CD2AP: variants seen among roughly 807,000 people sequenced by gnomAD.
The protein encoded by CD2AP is CD2 associated protein.
A neutral mutation model predicts 85.1 loss-of-function variants in CD2AP; 46 were observed. The observed-to-expected ratio is 0.54, with a 90% confidence interval of 0.43 to 0.69. The LOEUF (loss-of-function observed/expected upper bound fraction) is 0.69. Ranked by LOEUF, CD2AP falls within the 30% of genes least tolerant of loss-of-function variation. The pLI is 0.00. For synonymous variants in CD2AP, 255 were observed against 252.9 expected (o/e 1.01, Z -0.08); for missense variants, 769 against 729.5 (o/e 1.05, Z -0.62).
intron 17 of CD2AP, among the ~76,000 whole-genome samples, chr6:47,619,750 A>C (rs1203251637): frequency 6.6e-6 from 1 of 152,036 alleles, no homozygotes; most frequent in Non-Finnish European, 1.5e-5. Flanking sequence ...TGATTTTTTG[A>C]TTATGGCCAT....
chr6:47,558,869 T>C (rs756389359), intron 5 of CD2AP, among the ~76,000 whole-genome samples: 4 of 152,118 alleles, frequency 2.6e-5, no homozygotes, highest in Admixed American at 1.3e-4. Context: ...CTTTTTTTGT[T>C]GTTGTTTGGA....
chr6:47,592,811 C>A (rs1420934056), intron 11 of CD2AP, among the ~76,000 whole-genome samples: 1 of 152,094 alleles, frequency 6.6e-6, no homozygotes, highest in Non-Finnish European at 1.5e-5. Flanking sequence ...GCATACCTTG[C>A]CTTTTGCATG....
chr6:47,484,994 G>A (rs539190361), intron 1 of CD2AP, among the ~76,000 whole-genome samples: 19 of 152,250 alleles, frequency 1.2e-4, no homozygotes, highest in African/African-American at 3.6e-4. Flanking sequence ...CTATAGTAGT[G>A]CAACGCGTTA....
intron 12 of CD2AP, among the ~76,000 whole-genome samples, chr6:47,598,464 C>T (rs1315000110): frequency 6.6e-6 from 1 of 150,954 alleles, no homozygotes; most frequent in African/African-American, 2.4e-5. Context: ...ATGTTTATAG[C>T]AGCACAATTC....
chr6:47,488,643 A>G (rs1459741824), intron 1 of CD2AP, among the ~76,000 whole-genome samples: 1 of 151,774 alleles, frequency 6.6e-6, no homozygotes, highest in African/African-American at 2.4e-5. Flanking sequence ...TTTGATTATA[A>G]GAATTTACTG....
chr6:47,528,228 G>T (rs1432113757), intron 2 of CD2AP, among the ~76,000 whole-genome samples: 1 of 152,158 alleles, frequency 6.6e-6, no homozygotes, highest in Non-Finnish European at 1.5e-5. Context: ...ATGCTGGAGC[G>T]CAGTGCTGTG....
intron 11 of CD2AP, among the ~76,000 whole-genome samples, chr6:47,586,517 C>T (rs2114115229): frequency 6.6e-6 from 1 of 152,124 alleles, no homozygotes; most frequent in East Asian, 1.9e-4. Context: ...TAATTTGATG[C>T]AAATTTATGA....
At chr6:47,581,952 CTG>C in intron 10 of CD2AP, 49 bp from the exon 11 acceptor site, 6 of 1,162,604 alleles carry the variant, frequency 5.2e-6, no homozygotes, top group Non-Finnish European at 7.8e-6. Flanking sequence ...GTAATTGTCT[CTG>C]TGCTTTAAAA....
intron 11 of CD2AP, among the ~76,000 whole-genome samples, chr6:47,590,617 A>G (rs1054232918): frequency 2.6e-5 from 4 of 152,134 alleles, no homozygotes; most frequent in Non-Finnish European, 4.4e-5. Context: ...CACGTTCCAC[A>G]GTGCTCACCA....
intron 5 of CD2AP, among the ~76,000 whole-genome samples, chr6:47,572,974 C>G (rs368735239): frequency 6.6e-6 from 1 of 152,000 alleles, no homozygotes; most frequent in Non-Finnish European, 1.5e-5. Flanking sequence ...TTTTCCTTAC[C>G]CCGTACCCCC....
chr6:47,499,734 TTTGTTG>T (rs375338841), intron 1 of CD2AP, among the ~76,000 whole-genome samples: 20 of 151,814 alleles, frequency 1.3e-4, no homozygotes, highest in Middle Eastern at 3.4e-3. Flanking sequence ...AGTTAAGAGT[TTTGTTG>T]TTGTTGTTGT....
At chr6:47,616,238 C>T (rs373810845) in intron 17 of CD2AP, among the ~76,000 whole-genome samples, 5 of 151,612 alleles carry the variant, frequency 3.3e-5, no homozygotes, top group African/African-American at 9.7e-5. Flanking sequence ...ACTGTAGGCA[C>T]GTGCCACCAT....
chr6:47,481,069 C>T (rs1458080827), intron 1 of CD2AP, among the ~76,000 whole-genome samples: 2 of 152,106 alleles, frequency 1.3e-5, no homozygotes, highest in African/African-American at 4.8e-5. Context: ...TTGGGAAGAG[C>T]TCTAGGGAGA....
intron 3 of CD2AP, among the ~76,000 whole-genome samples, chr6:47,543,866 C>A (rs1310681824): frequency 6.6e-6 from 1 of 152,124 alleles, no homozygotes; most frequent in Non-Finnish European, 1.5e-5. Context: ...CTCACAAGCT[C>A]CCAGGTTACA....
chr6:47,614,808 A>T (rs768396110), intron 17 of CD2AP, among the ~76,000 whole-genome samples: 18 of 152,168 alleles, frequency 1.2e-4, no homozygotes, highest in African/African-American at 4.3e-4. Context: ...CAGTTAAGCT[A>T]TTTTCATTCT....
At chr6:47,541,540 A>C (rs763296631) in intron 3 of CD2AP, among the ~76,000 whole-genome samples, 9 of 152,232 alleles carry the variant, frequency 5.9e-5, no homozygotes, top group African/African-American at 4.8e-5. Flanking sequence ...TCTTATTTGG[A>C]GACTCAATTA....
intron 5 of CD2AP, 27 bp from the exon 6 acceptor site, chr6:47,574,037 T>C (rs1333773294): frequency 1.2e-6 from 2 of 1,604,146 alleles, no homozygotes; most frequent in South Asian, 2.2e-5. Flanking sequence ...CTAGGTGTCA[T>C]TCTTCAAAAA....
chr6:47,481,921 G>A (rs1038130685), intron 1 of CD2AP, among the ~76,000 whole-genome samples: 1 of 152,046 alleles, frequency 6.6e-6, no homozygotes, highest in African/African-American at 2.4e-5. Flanking sequence ...TACCACCTCT[G>A]GCCTAGTTTA....
At chr6:47,587,227 TA>T (rs1768654536) in intron 11 of CD2AP, among the ~76,000 whole-genome samples, 1 of 152,148 alleles carries the variant, frequency 6.6e-6, no homozygotes, top group Non-Finnish European at 1.5e-5. Flanking sequence ...TTTTCATTTG[TA>T]TTTGTGTTCA....
Sources: allele counts gnomAD v4.1 joint callset (sites outside exome capture counted in the v4.1 genomes callset), GRCh38; gene constraint gnomAD v4.1.1; transcripts MANE v1.5; gene names NCBI Gene and HGNC (gene_info 2026-07-23, HGNC 2026-07-21).